Variants in TSPAN18 observed in about 807,000 individuals in gnomAD.
TSPAN18 encodes the protein tetraspanin-18.
In TSPAN18, 14 loss-of-function variants were observed where a neutral mutation model predicts 27.3. That is an observed-to-expected ratio of 0.51 (90% confidence interval 0.34 to 0.80). The LOEUF is 0.80. Ranked by LOEUF, TSPAN18 falls within the 30% of genes least tolerant of loss-of-function variation. The pLI is 0.01. For missense variants in TSPAN18, 268 were observed against 323.9 expected, an observed-to-expected ratio of 0.83 and a Z score of 1.32; for synonymous variants, 143 against 136.5, an observed-to-expected ratio of 1.05 and a Z score of -0.33.
Position 44,905,947 on chromosome 11 carries a change from G to T in TSPAN18, c.-10-460G>T, listed in dbSNP as rs139197635. ...TGGAGGGTGTGTGGGTTGGTGGGAA[G>T]TTTGTCAGGCCTGGCTTCTGGTCCA... On this transcript the variant is annotated intron_variant, in intron 3 of 9. Transcript: ENST00000520358. Among the ~76,000 whole-genome samples the T allele has an allele frequency of 2.4e-3, 361 of 152,316 alleles. 3 individuals are homozygous for T. The highest frequency in any genetic ancestry group is 8.4e-3 in the African/African-American group (348 of 41,552).
intron 2 of TSPAN18, among the ~76,000 whole-genome samples, chr11:44,818,362 G>C (rs1856855873): frequency 6.6e-6 from 1 of 152,212 alleles, no homozygotes. Flanking sequence ...TCTGTCCCCA[G>C]CTCTGAAGCA....
At chr11:44,849,127 T>C (rs767063704) in intron 2 of TSPAN18, among the ~76,000 whole-genome samples, 1 of 152,130 alleles carries the variant, frequency 6.6e-6, no homozygotes, top group Non-Finnish European at 1.5e-5. Context: ...CATTAGAGGC[T>C]ACGGGTGGCA....
At chr11:44,784,312 T>C (rs1856006936) in intron 2 of TSPAN18, among the ~76,000 whole-genome samples, 1 of 152,168 alleles carries the variant, frequency 6.6e-6, no homozygotes, top group Non-Finnish European at 1.5e-5. Flanking sequence ...TACCAGCGTA[T>C]GTCAGCATTT....
chr11:44,921,813 A>G (rs1432844835), intron 8 of TSPAN18, among the ~76,000 whole-genome samples: 2 of 152,190 alleles, frequency 1.3e-5, no homozygotes, highest in Non-Finnish European at 1.5e-5. Flanking sequence ...GAGGCTTCCC[A>G]TGGGCCGCAT....
At chr11:44,791,277 G>T (rs921445080) in intron 2 of TSPAN18, among the ~76,000 whole-genome samples, 1 of 152,232 alleles carries the variant, frequency 6.6e-6, no homozygotes, top group Admixed American at 6.5e-5. Flanking sequence ...CACACACCTA[G>T]GGTGAGAGCC....
intron 1 of TSPAN18, among the ~76,000 whole-genome samples, chr11:44,757,267 ATTTTTTATTTTTTT>A (rs1344132262): frequency 1.3e-5 from 2 of 151,060 alleles, no homozygotes; most frequent in Non-Finnish European, 2.9e-5. Context: ...GTTATTTTTT[ATTTTTTATTTTTTT>A]TTATAGTAGC....
chr11:44,769,859 G>T (rs1855651557), intron 2 of TSPAN18, among the ~76,000 whole-genome samples: 1 of 152,176 alleles, frequency 6.6e-6, no homozygotes, highest in African/African-American at 2.4e-5. Flanking sequence ...TCTTTTCAAA[G>T]AACCAGCATT....
rs111413701 is a variant in TSPAN18, at chr11:44,829,745, A to C, written c.-152-30583A>C. On this transcript the variant is annotated intron_variant, in intron 2 of 9. Transcript: ENST00000520358. ...ATACAATAAGGGTATGTTTAGTTTT[A>C]TAAGAAGCTGCTAAACTCTCTTCCA... Among the ~76,000 whole-genome samples, 939 of 152,286 alleles carry C rather than the reference A, an allele frequency of 6.2e-3. 6 individuals are homozygous for C. The highest frequency in any genetic ancestry group is 0.01 in the Non-Finnish European group (685 of 68,028).
chr11:44,864,105 A>G (rs1590600359), intron 3 of TSPAN18, among the ~76,000 whole-genome samples: 1 of 151,660 alleles, frequency 6.6e-6, no homozygotes, highest in Non-Finnish European at 1.5e-5. Flanking sequence ...TGGCCAACAT[A>G]GTGAAACCCC....
chr11:44,848,070 A>T (rs771213984), intron 2 of TSPAN18, among the ~76,000 whole-genome samples: 9 of 152,302 alleles, frequency 5.9e-5, no homozygotes, highest in Non-Finnish European at 8.8e-5. Context: ...TCCTGACCTC[A>T]GGTCATTTGC....
chr11:44,764,786 G>A (rs980258711), intron 2 of TSPAN18, among the ~76,000 whole-genome samples: 6 of 152,144 alleles, frequency 3.9e-5, no homozygotes, highest in Admixed American at 6.5e-5. Context: ...GAAGAGTAGA[G>A]CTCCTGGGGG....
Position 44,785,254 on chromosome 11 carries a change from C to T in TSPAN18, c.-153+20742C>T, listed in dbSNP as rs553322784. On this transcript the variant is annotated intron_variant, in intron 2 of 9. Transcript: ENST00000520358. ...AGAGACATGGAAAACCCTGTATGCT[C>T]TGCCTGAAGTCACCTTTTTCCCATC... is the stretch of plus-strand genomic sequence containing the variant. Among the ~76,000 whole-genome samples, 5 of 152,340 alleles carry T rather than the reference C, an allele frequency of 3.3e-5. No homozygotes were observed. In the East Asian group the frequency reaches 9.6e-4, roughly 29 times the overall value.
chr11:44,900,789 G>T (rs1262162376), intron 3 of TSPAN18, among the ~76,000 whole-genome samples: 1 of 136,770 alleles, frequency 7.3e-6, no homozygotes, highest in South Asian at 2.4e-4. Context: ...TTCCTCCTGG[G>T]TTCAAGCAAT....
chr11:44,852,746 G>T (rs1079146), intron 2 of TSPAN18, among the ~76,000 whole-genome samples: 1 of 151,964 alleles, frequency 6.6e-6, no homozygotes, highest in African/African-American at 2.4e-5. Context: ...TCAGCCAGAC[G>T]TGGGGGTTAC....
chr11:44,838,639 T>G (rs61880638), intron 2 of TSPAN18, among the ~76,000 whole-genome samples: 28,920 of 152,030 alleles, frequency 0.19, 3,664 homozygotes, highest in Non-Finnish European at 0.28. Flanking sequence ...TGACGCCACC[T>G]GTGAAAGACT....
At chr11:44,800,690 C>T (rs1395135217) in intron 2 of TSPAN18, among the ~76,000 whole-genome samples, 1 of 152,228 alleles carries the variant, frequency 6.6e-6, no homozygotes, top group Non-Finnish European at 1.5e-5. Flanking sequence ...TTCTGGTCTC[C>T]CTACCTGGAA....
chr11:44,812,808 C>T (rs835840), intron 2 of TSPAN18, among the ~76,000 whole-genome samples: 13,757 of 152,166 alleles, frequency 0.09, 765 homozygotes, highest in African/African-American at 0.15. Flanking sequence ...TGCCCTCAGG[C>T]TGTGATGCTG....
chr11:44,753,434 C>T (rs191515302), intron 1 of TSPAN18, among the ~76,000 whole-genome samples: 93 of 152,294 alleles, frequency 6.1e-4, no homozygotes, highest in African/African-American at 1.9e-3. Context: ...ACTCAGCCAG[C>T]GCATCCATTT....
chr11:44,758,221 A>G (rs986461608), intron 1 of TSPAN18, among the ~76,000 whole-genome samples: 2 of 152,060 alleles, frequency 1.3e-5, no homozygotes, highest in Non-Finnish European at 2.9e-5. Flanking sequence ...CTGTTTTGAG[A>G]TAGTTTTCTT....
Sources: gnomAD v4.1 joint callset for allele counts (sites outside exome capture counted in the v4.1 genomes callset) on GRCh38, gnomAD v4.1.1 for gene constraint, MANE v1.5 for transcripts, NCBI Gene and HGNC (gene_info 2026-07-23, HGNC 2026-07-21) for gene names.